Variants in EBF2 observed in about 807,000 individuals in gnomAD.
EBF2 encodes the protein transcription factor COE2.
Under a neutral mutation model 72.8 loss-of-function variants are expected in EBF2, and 21 were observed. That is an observed-to-expected ratio of 0.29 (90% CI 0.20 to 0.42). The LOEUF is 0.42. EBF2 is among the 10% of genes least tolerant of loss of function. The probability of loss-of-function intolerance (pLI) is 1.00; values close to 1 mark genes in which losing one functional copy is unlikely to be tolerated. For missense variants in EBF2, 637 were observed against 731.2 expected (o/e 0.87, Z 1.49); for synonymous variants, 299 against 274.2 (o/e 1.09, Z -0.89).
chr8:25,980,573 T>A (rs139064865), intron 6 of EBF2, among the ~76,000 whole-genome samples: 144 of 152,268 alleles, frequency 9.5e-4, no homozygotes, highest in African/African-American at 2.7e-3. Flanking sequence ...TGGATCCCAG[T>A]GGCACCATAG....
In EBF2 at chr8:25,878,277, A is replaced by G. The variant is rs58545615; in HGVS notation, c.1009+8478T>C. 5.7e-3 allele frequency among the ~76,000 whole-genome samples: 869 copies of G among 152,294 alleles called. 10 individuals are homozygous for G. Among genetic ancestry groups the G allele is most frequent in the African/African-American group, 0.02 (827 of 41,568 alleles). On this transcript the variant is annotated intron_variant, in intron 10 of 15. Transcript: ENST00000520164. ...GGAGGTGAGTGGTTTGTCTAGGCCT[A>G]TAGCAGCCTAGGAGCACTGTCCTGC...
At chr8:25,857,236 G>T (rs1224059068) in intron 14 of EBF2, among the ~76,000 whole-genome samples, 1 of 152,004 alleles carries the variant, frequency 6.6e-6, no homozygotes, top group Admixed American at 6.5e-5. Context: ...TTCGCTGCTT[G>T]GTGCTATATC....
chr8:25,877,414 A>C (rs887996513), intron 10 of EBF2, among the ~76,000 whole-genome samples: 1 of 152,212 alleles, frequency 6.6e-6, no homozygotes, highest in African/African-American at 2.4e-5. Flanking sequence ...CCCTGTTCTC[A>C]CGTGGCTCTC....
rs142302802 is a variant in EBF2 at position 26,025,422 on chromosome 8, A to G, written c.551+7663T>C. On this transcript the variant is annotated intron_variant, in intron 6 of 15. Coordinates refer to ENST00000520164, the MANE Select transcript of EBF2 (RefSeq NM_022659.4). ...TGATGACTGAATAACATAAGGACTT[A>G]GCAAGTGAATGAATGATGGAACGAG... 7.9e-5 allele frequency among the ~76,000 whole-genome samples: 12 copies of G among 152,310 alleles called. No homozygotes were observed. In the East Asian group the frequency reaches 1.9e-3, roughly 25 times the overall value.
At chr8:25,931,769 T>C (rs1198053572) in intron 6 of EBF2, among the ~76,000 whole-genome samples, 3 of 152,130 alleles carry the variant, frequency 2.0e-5, no homozygotes, top group East Asian at 3.9e-4. Flanking sequence ...TTTCGTCCAT[T>C]GACATGCACG....
intron 5 of EBF2, among the ~76,000 whole-genome samples, chr8:26,035,079 T>G (rs1044946331): frequency 8.6e-5 from 13 of 151,558 alleles, no homozygotes; most frequent in African/African-American, 2.4e-5. Context: ...GGTGATAACA[T>G]AAGGAAAAAG....
chr8:25,927,308 A>G (rs949908011), intron 6 of EBF2, among the ~76,000 whole-genome samples: 1 of 149,048 alleles, frequency 6.7e-6, no homozygotes, highest in East Asian at 2.0e-4. Flanking sequence ...TCTTGTATAT[A>G]TCTAGATATC....
At chr8:26,011,227 G>A (rs1020225535) in intron 6 of EBF2, among the ~76,000 whole-genome samples, 1 of 152,166 alleles carries the variant, frequency 6.6e-6, no homozygotes, top group African/African-American at 2.4e-5. Flanking sequence ...TATTGATTAC[G>A]TTGCTAATCT....
At chr8:25,865,612 A>C (rs1802295486) in intron 10 of EBF2, among the ~76,000 whole-genome samples, 1 of 151,882 alleles carries the variant, frequency 6.6e-6, no homozygotes, top group African/African-American at 2.4e-5. Context: ...TTTTCTTTTG[A>C]GACAGGGTTT....
At position 25,862,788 on chromosome 8, in the gene EBF2, T is replaced by C; in HGVS notation, c.1019A>G (p.Glu340Gly). 1 of 1,589,352 alleles carries C rather than the reference T, an allele frequency of 6.3e-7. No homozygotes were observed. The highest frequency in any genetic ancestry group is 1.3e-5 in the African/African-American group (1 of 74,400). Residue 340 changes from glutamate (E) to glycine (G), a missense_variant, in exon 11 of 16, where the codon GAA becomes GGA. Glu to Gly is a moderately conservative substitution (Grantham distance 98). This residue lies in a region of EBF2 where 204 missense variants were observed against 301.2 expected (regional missense o/e 0.68). Coordinates refer to ENST00000520164, the MANE Select transcript of EBF2 (RefSeq NM_022659.4). ...CTGGAAGCCATAGTCTATGGTGGGT[T>C]CATTTAATGCTGAAAGAGAAAAGTC... is the stretch of plus-strand genomic sequence containing the variant. ...PGRFIYTALN[E>G]PTIDYGFQRL...
At position 25,844,512 on chromosome 8, in the gene EBF2, G is replaced by GT; in HGVS notation, c.*96_*97insA. The GT allele has an allele frequency of 7.2e-7, 1 of 1,390,948 alleles. No individual in the cohort carries two copies. Among genetic ancestry groups the GT allele is most frequent in the Non-Finnish European group, 1.0e-6 (1 of 981,122 alleles). 86.2% of individuals were successfully genotyped at this position (1,390,948 alleles called of 1,614,324 possible). ...CCAAGGGTGTCCATCATGTTCATGT[G>GT]GGGGCACCACTACACCCCCAAAAGA... On this transcript the variant is annotated 3_prime_UTR_variant, in exon 16 of 16. Coordinates refer to ENST00000520164, the MANE Select transcript of EBF2 (RefSeq NM_022659.4).
At chr8:25,887,526 C>T (rs1198031708) in intron 9 of EBF2, among the ~76,000 whole-genome samples, 1 of 152,100 alleles carries the variant, frequency 6.6e-6, no homozygotes, top group African/African-American at 2.4e-5. Context: ...CTAGATTTTA[C>T]ATCCATAGGC....
intron 6 of EBF2, among the ~76,000 whole-genome samples, chr8:25,942,430 G>A (rs55694446): frequency 0.17 from 26,268 of 152,116 alleles, 2,373 homozygotes; most frequent in Middle Eastern, 0.24. Flanking sequence ...CCTTTGCTGT[G>A]AGCAGCATTC....
chr8:26,014,979 T>C (rs1269141612), intron 6 of EBF2, among the ~76,000 whole-genome samples: 3 of 152,130 alleles, frequency 2.0e-5, no homozygotes, highest in Non-Finnish European at 4.4e-5. Context: ...TAAAAACTAA[T>C]TGGAAAGATA....
At position 25,842,079 on chromosome 8, in the gene EBF2, A is replaced by G. The variant is rs1016675149; in HGVS notation, c.*2530T>C. Reference sequence around the variant, plus strand: ...ATAATGAAGTAAATTGTCCCTTTAAATGAAAAAAATCTTACACAGCTCCTC... The same window carrying G: ...ATAATGAAGTAAATTGTCCCTTTAAGTGAAAAAAATCTTACACAGCTCCTC... On this transcript the variant is annotated 3_prime_UTR_variant, in exon 16 of 16. Transcript: ENST00000520164. 6.6e-6 allele frequency: 1 copy of G among 152,206 alleles called. No homozygotes were observed. Among genetic ancestry groups the G allele is most frequent in the African/African-American group, 2.4e-5 (1 of 41,462 alleles). 9.4% of individuals were successfully genotyped at this position (152,206 alleles called of 1,614,324 possible).
intron 6 of EBF2, among the ~76,000 whole-genome samples, chr8:25,992,303 C>T (rs1030582789): frequency 1.6e-5 from 2 of 124,804 alleles, no homozygotes; most frequent in East Asian, 2.3e-4. Context: ...CATTGCACTC[C>T]AGCCTGGGCA....
chr8:25,956,529 G>A (rs946393815), intron 6 of EBF2, among the ~76,000 whole-genome samples: 2 of 152,140 alleles, frequency 1.3e-5, no homozygotes, highest in African/African-American at 2.4e-5. Flanking sequence ...CATCTCAATA[G>A]TGTACCTTGT....
At chr8:25,904,175 C>T (rs1165691309) in intron 7 of EBF2, among the ~76,000 whole-genome samples, 1 of 142,570 alleles carries the variant, frequency 7.0e-6, no homozygotes. Flanking sequence ...AAACTTTAAA[C>T]GTAGTATTTC....
intron 7 of EBF2, among the ~76,000 whole-genome samples, chr8:25,894,590 C>T (rs551083862): frequency 1.3e-5 from 2 of 152,292 alleles, no homozygotes; most frequent in Admixed American, 1.3e-4. Context: ...TGGTTTGCTT[C>T]ACTCTTCAAA....
Sources: gnomAD v4.1 joint callset for allele counts (sites outside exome capture counted in the v4.1 genomes callset) on GRCh38, gnomAD v4.1.1 for gene constraint, gnomAD v4.1.1 regional missense constraint, MANE v1.5 for transcripts, NCBI Gene and HGNC (gene_info 2026-07-23, HGNC 2026-07-21) for gene names.